Variants in CLASP2 observed in about 807,000 individuals in gnomAD.
CLASP2 encodes CLIP-associating protein 2.
In CLASP2, 47 loss-of-function variants were observed where a neutral mutation model predicts 194.4. The ratio of observed to expected loss-of-function variants is 0.24; its 90% CI spans 0.19 to 0.31. The LOEUF (loss-of-function observed/expected upper bound fraction) is 0.31. Among genes scored for constraint, CLASP2 ranks in the 10% least tolerant of loss-of-function variants. CLASP2 has a pLI of 1.00. For synonymous variants in CLASP2, 619 were observed against 633.5 expected (o/e 0.98, Z 0.34); for missense variants, 1,445 against 1,823.6 (o/e 0.79, Z 3.78).
chr3:33,606,106 C>T (rs2073786810), intron 16 of CLASP2, among the ~76,000 whole-genome samples: 1 of 151,920 alleles, frequency 6.6e-6, no homozygotes, highest in Non-Finnish European at 1.5e-5. Flanking sequence ...AGGTAGCCGT[C>T]ATCAAGATGA....
chr3:33,663,197 C>CAAAAAAAAAA (rs60671856), intron 7 of CLASP2, among the ~76,000 whole-genome samples: 6 of 100,768 alleles, frequency 6.0e-5, no homozygotes, highest in Non-Finnish European at 1.0e-4. Flanking sequence ...GCAGTATCAC[C>CAAAAAAAAAA]AAAAAAAAAA....
chr3:33,532,388 T>C lies in CLASP2; in HGVS notation c.3787+2845A>G, dbSNP rs569097410. On this transcript the variant is annotated intron_variant, in intron 34 of 38. Transcript: ENST00000682230. ...GAGTGGGGGTGGAATTGGGGAGTTA[T>C]TATTTAATTGGTATAGAGTTTCAGT... 2.8e-4 allele frequency among the ~76,000 whole-genome samples: 42 copies of C among 152,264 alleles called. No homozygotes were observed. The South Asian group carries it at 8.7e-3, about 32-fold the overall frequency.
At position 33,573,271 on chromosome 3, in the gene CLASP2, T is replaced by A. The variant is rs1426526812; in HGVS notation, c.2538A>T (p.Ser846=). The A allele has an allele frequency of 6.2e-7, 1 of 1,613,942 alleles. No homozygotes were observed. The highest frequency in any genetic ancestry group is 8.5e-7 in the Non-Finnish European group (1 of 1,179,858). The change falls in exon 25 of 39, where the codon TCA becomes TCT. Residue 846 remains serine, a synonymous_variant. Transcript: ENST00000682230. ...DANSDASSAC[S]ERSYSSRNGS... Reference sequence around the variant, plus strand: ...CATTTCGAGAACTATAGGAGCGTTCTGAACAAGCACTAGATGCATCGCTGT... The same window carrying A: ...CATTTCGAGAACTATAGGAGCGTTCAGAACAAGCACTAGATGCATCGCTGT...
At chr3:33,627,657 TG>T (rs1405241908) in intron 9 of CLASP2, among the ~76,000 whole-genome samples, 1 of 152,138 alleles carries the variant, frequency 6.6e-6, no homozygotes, top group Non-Finnish European at 1.5e-5. Context: ...TAGATAGACG[TG>T]GTCTTTGCCT....
At chr3:33,643,607 G>C (rs1292623933) in intron 8 of CLASP2, among the ~76,000 whole-genome samples, 1 of 151,788 alleles carries the variant, frequency 6.6e-6, no homozygotes, top group Non-Finnish European at 1.5e-5. Flanking sequence ...AGTTATATGT[G>C]CATCTATATA....
At chr3:33,678,903 G>C (rs1475322662) in intron 6 of CLASP2, among the ~76,000 whole-genome samples, 3 of 152,128 alleles carry the variant, frequency 2.0e-5, no homozygotes, top group Non-Finnish European at 4.4e-5. Context: ...TTATTTTGTG[G>C]ATAACAACAA....
intron 21 of CLASP2, among the ~76,000 whole-genome samples, chr3:33,587,789 T>C (rs187151150): frequency 6.6e-6 from 1 of 152,158 alleles, no homozygotes; most frequent in East Asian, 1.9e-4. Context: ...ACCAAAAACA[T>C]CCAAACACCC....
chr3:33,645,660 T>C (rs2082145323), intron 7 of CLASP2, among the ~76,000 whole-genome samples: 1 of 152,160 alleles, frequency 6.6e-6, no homozygotes, highest in African/African-American at 2.4e-5. Flanking sequence ...TTTTTCTTAT[T>C]TGACATGAAA....
intron 3 of CLASP2, 55 bp downstream of exon 3, chr3:33,689,774 A>T: frequency 8.1e-7 from 1 of 1,239,346 alleles, no homozygotes; most frequent in Non-Finnish European, 1.1e-6. Context: ...CTGTGGCTTT[A>T]ATGATTTCCT....
rs1032925032 is a variant in CLASP2 at position 33,669,438 on chromosome 3, T to C, written c.645-5923A>G. ...GAACTACATTAAAATTAAGAACTTATGTACATCAAAAGGTATCACCAAGAA... is the reference window on the plus strand; with the variant it reads ...GAACTACATTAAAATTAAGAACTTACGTACATCAAAAGGTATCACCAAGAA... On this transcript the variant is annotated intron_variant, in intron 6 of 38. Coordinates refer to ENST00000682230, the MANE Select transcript of CLASP2 (RefSeq NM_001365631.1). Among the ~76,000 whole-genome samples, 7 of 152,240 alleles carry C rather than the reference T, an allele frequency of 4.6e-5. No individual in the cohort carries two copies. In the East Asian group the frequency reaches 5.8e-4, roughly 13 times the overall value.
chr3:33,711,947 G>A (rs2093034125), intron 1 of CLASP2, among the ~76,000 whole-genome samples: 1 of 152,088 alleles, frequency 6.6e-6, no homozygotes, highest in African/African-American at 2.4e-5. Flanking sequence ...CTGAAAAACA[G>A]TATGGAGATT....
At chr3:33,610,441 T>C (rs1229173254) in intron 13 of CLASP2, among the ~76,000 whole-genome samples, 1 of 152,234 alleles carries the variant, frequency 6.6e-6, no homozygotes, top group Non-Finnish European at 1.5e-5. Flanking sequence ...GACATAGCTT[T>C]ACATTTCTGC....
At chr3:33,667,054 T>C (rs1374275236) in intron 6 of CLASP2, among the ~76,000 whole-genome samples, 5 of 152,186 alleles carry the variant, frequency 3.3e-5, no homozygotes, top group African/African-American at 9.7e-5. Context: ...AATTGGGTTA[T>C]CTGTCCTTTT....
chr3:33,656,297 C>A (rs913249438), intron 7 of CLASP2, among the ~76,000 whole-genome samples: 3 of 152,000 alleles, frequency 2.0e-5, no homozygotes, highest in African/African-American at 4.8e-5. Flanking sequence ...ATATAAAAAG[C>A]AAGTATAAAT....
chr3:33,629,235 G>GC (rs1163805625), intron 9 of CLASP2, among the ~76,000 whole-genome samples: 3 of 152,130 alleles, frequency 2.0e-5, no homozygotes, highest in Non-Finnish European at 4.4e-5. Context: ...TGAGACTTTT[G>GC]TTTTTTAAAC....
chr3:33,592,724 T>A (rs2069115415), intron 20 of CLASP2: 1 of 569,870 alleles, frequency 1.8e-6, no homozygotes, highest in South Asian at 1.8e-5. Flanking sequence ...ACTAAAAGAT[T>A]TACATTCTTA....
At chr3:33,512,646 T>G (rs1452416186) in intron 36 of CLASP2, among the ~76,000 whole-genome samples, 1 of 100,270 alleles carries the variant, frequency 1.0e-5, no homozygotes, top group Non-Finnish European at 1.9e-5. Flanking sequence ...AAGATCTCAA[T>G]AGGTGAAAAA....
At chr3:33,677,335 A>C (rs1037868175) in intron 6 of CLASP2, among the ~76,000 whole-genome samples, 6 of 150,800 alleles carry the variant, frequency 4.0e-5, no homozygotes, top group African/African-American at 1.5e-4. Context: ...CTGGATTAAG[A>C]AAATGTGGCA....
chr3:33,708,000 A>G (rs1195072842), intron 1 of CLASP2, among the ~76,000 whole-genome samples: 1 of 152,182 alleles, frequency 6.6e-6, no homozygotes, highest in Non-Finnish European at 1.5e-5. Context: ...AAGGATCTTC[A>G]GAGGGAAAAA....
Sources: gnomAD v4.1 joint callset for allele counts (sites outside exome capture counted in the v4.1 genomes callset) on GRCh38, gnomAD v4.1.1 for gene constraint, MANE v1.5 for transcripts, NCBI Gene and HGNC (gene_info 2026-07-23, HGNC 2026-07-21) for gene names.